The following ADAMTS6 variants were observed in gnomAD, a reference collection of about 807,000 sequenced individuals.
The protein encoded by ADAMTS6 is A disintegrin and metalloproteinase with thrombospondin motifs 6.
In ADAMTS6, 23 loss-of-function variants were observed where a neutral mutation model predicts 144.3. That is an observed-to-expected ratio of 0.16 (90% CI 0.11 to 0.23). ADAMTS6 has a LOEUF of 0.23. ADAMTS6 is among the 10% of genes least tolerant of loss of function. The probability of loss-of-function intolerance (pLI) is 1.00; values close to 1 mark genes in which losing one functional copy is unlikely to be tolerated. For missense variants in ADAMTS6, 999 were observed against 1,379.6 expected, an observed-to-expected ratio of 0.72 and a Z score of 4.37; for synonymous variants, 444 against 457.5, an observed-to-expected ratio of 0.97 and a Z score of 0.38.
chr5:65,411,996 C>G (rs75758394), intron 7 of ADAMTS6, among the ~76,000 whole-genome samples: 4 of 151,996 alleles, frequency 2.6e-5, no homozygotes, highest in African/African-American at 4.8e-5. Context: ...TAATTTAAAC[C>G]AGGCACCATT....
chr5:65,310,955 T>C (rs1316440951), intron 9 of ADAMTS6, among the ~76,000 whole-genome samples: 1 of 152,098 alleles, frequency 6.6e-6, no homozygotes, highest in East Asian at 1.9e-4. Context: ...TTAGAGGAAG[T>C]TGCTCTTGAA....
At chr5:65,232,936 CA>C (rs1165044100) in intron 15 of ADAMTS6, among the ~76,000 whole-genome samples, 1 of 151,902 alleles carries the variant, frequency 6.6e-6, no homozygotes, top group Non-Finnish European at 1.5e-5. Context: ...AACATGGATG[CA>C]AAAGTTTTCA....
At chr5:65,211,378 G>A (rs1756522229) in intron 20 of ADAMTS6, among the ~76,000 whole-genome samples, 1 of 152,114 alleles carries the variant, frequency 6.6e-6, no homozygotes, top group Non-Finnish European at 1.5e-5. Context: ...GACGCAGGTG[G>A]GTCACTTGAG....
intron 16 of ADAMTS6, among the ~76,000 whole-genome samples, chr5:65,225,820 C>T (rs1164169563): frequency 1.3e-5 from 2 of 152,026 alleles, no homozygotes; most frequent in Non-Finnish European, 2.9e-5. Context: ...AGAAGAATAA[C>T]GGAAATTAAA....
At chr5:65,400,368 A>G (rs940968124) in intron 7 of ADAMTS6, among the ~76,000 whole-genome samples, 1 of 152,080 alleles carries the variant, frequency 6.6e-6, no homozygotes, top group African/African-American at 2.4e-5. Flanking sequence ...ACACTACTGC[A>G]TATGGCTTTT....
chr5:65,268,475 A>C (rs1761801540), intron 12 of ADAMTS6, among the ~76,000 whole-genome samples: 1 of 152,168 alleles, frequency 6.6e-6, no homozygotes, highest in African/African-American at 2.4e-5. Flanking sequence ...GCTGTATCCA[A>C]GGAAAGCTCT....
At chr5:65,236,993 T>C (rs1758721102) in intron 15 of ADAMTS6, among the ~76,000 whole-genome samples, 1 of 152,124 alleles carries the variant, frequency 6.6e-6, no homozygotes, top group South Asian at 2.1e-4. Flanking sequence ...ACATATTTTA[T>C]AAATATTAAT....
chr5:65,391,419 TACACACA>T (rs1752900333), intron 7 of ADAMTS6, among the ~76,000 whole-genome samples: 1 of 148,602 alleles, frequency 6.7e-6, no homozygotes, highest in Non-Finnish European at 1.5e-5. Context: ...TGTGTCTCTC[TACACACA>T]CACACACACA....
chr5:65,316,415 G>C (rs1745002752), intron 9 of ADAMTS6, among the ~76,000 whole-genome samples: 1 of 151,918 alleles, frequency 6.6e-6, no homozygotes, highest in Admixed American at 6.6e-5. Flanking sequence ...AATTGAAAAA[G>C]AAAATGGAAC....
At chr5:65,372,492 G>C (rs1241744856) in intron 7 of ADAMTS6, among the ~76,000 whole-genome samples, 1 of 151,708 alleles carries the variant, frequency 6.6e-6, no homozygotes, top group East Asian at 1.9e-4. Context: ...AACCAACAAA[G>C]ATCAAAAGAG....
intron 7 of ADAMTS6, among the ~76,000 whole-genome samples, chr5:65,371,627 G>A (rs1182309831): frequency 1.3e-5 from 2 of 152,148 alleles, no homozygotes; most frequent in African/African-American, 4.8e-5. Context: ...TATGTGAAAA[G>A]ACCAAATCTA....
intron 7 of ADAMTS6, among the ~76,000 whole-genome samples, chr5:65,352,625 T>C (rs1345698372): frequency 1.3e-5 from 2 of 152,106 alleles, no homozygotes; most frequent in Non-Finnish European, 2.9e-5. Context: ...AAAATAAATT[T>C]AAGGTAAGAC....
chr5:65,336,792 T>A (rs1580430334), intron 7 of ADAMTS6, among the ~76,000 whole-genome samples: 1 of 152,090 alleles, frequency 6.6e-6, no homozygotes, highest in East Asian at 1.9e-4. Flanking sequence ...TGATAACCTT[T>A]ATCCACCAAA....
chr5:65,337,182 T>C (rs898561984), intron 7 of ADAMTS6, among the ~76,000 whole-genome samples: 1 of 152,148 alleles, frequency 6.6e-6, no homozygotes, highest in African/African-American at 2.4e-5. Flanking sequence ...TCCATTCAAA[T>C]ATAGAATTGA....
In ADAMTS6 at chr5:65,260,586, T is replaced by G. The variant is rs1761099960; in HGVS notation, c.1830+14A>C. 1 of 1,610,940 alleles carries G rather than the reference T, an allele frequency of 6.2e-7. No individual in the cohort carries two copies. The highest frequency in any genetic ancestry group is 8.5e-7 in the Non-Finnish European group (1 of 1,178,500). On this transcript the variant is annotated intron_variant, in intron 14 of 24. Transcript: ENST00000381055. ...GTAAGCTAATTTTTCATAACAGAGT[T>G]TGGTTTTACTTACATCTGTGTTACA... is the stretch of plus-strand genomic sequence containing the variant.
chr5:65,293,257 AAAGG>A (rs1173680749), intron 10 of ADAMTS6, among the ~76,000 whole-genome samples: 1 of 152,044 alleles, frequency 6.6e-6, no homozygotes, highest in Non-Finnish European at 1.5e-5. Context: ...TATCTTTATG[AAAGG>A]AATTAAATAT....
chr5:65,428,548 G>A (rs550589470), intron 7 of ADAMTS6, among the ~76,000 whole-genome samples: 85 of 152,242 alleles, frequency 5.6e-4, no homozygotes, highest in African/African-American at 2.0e-3. Context: ...AAAACCAGGG[G>A]GACCTTCAAG....
chr5:65,361,844 C>T (rs1195376421), intron 7 of ADAMTS6, among the ~76,000 whole-genome samples: 1 of 152,008 alleles, frequency 6.6e-6, no homozygotes, highest in African/African-American at 2.4e-5. Flanking sequence ...GGCCATCCTT[C>T]CACTTCAGCC....
intron 9 of ADAMTS6, among the ~76,000 whole-genome samples, chr5:65,311,213 G>A (rs1744465351): frequency 6.6e-6 from 1 of 152,088 alleles, no homozygotes; most frequent in Non-Finnish European, 1.5e-5. Context: ...AGCATCATAT[G>A]TGTACATACC....
Sources: gnomAD v4.1 joint callset for allele counts (sites outside exome capture counted in the v4.1 genomes callset) on GRCh38, gnomAD v4.1.1 for gene constraint, MANE v1.5 for transcripts, NCBI Gene and HGNC (gene_info 2026-07-23, HGNC 2026-07-21) for gene names.